PRDM4: variants seen among roughly 807,000 people sequenced by gnomAD.
PRDM4 encodes the protein PR/SET domain 4, also known as PR domain zinc finger protein 4.
Under a neutral mutation model 62.3 loss-of-function variants are expected in PRDM4, and 38 were observed. The observed-to-expected ratio is 0.61, with a 90% confidence interval of 0.47 to 0.80. The LOEUF (loss-of-function observed/expected upper bound fraction) is 0.80. Ranked by LOEUF, PRDM4 falls within the 30% of genes least tolerant of loss-of-function variation. The pLI is 0.00. For synonymous variants in PRDM4, 339 were observed against 348.2 expected, an observed-to-expected ratio of 0.97 and a Z score of 0.30; for missense variants, 858 against 997.1, an observed-to-expected ratio of 0.86 and a Z score of 1.88.
intron 10 of PRDM4, among the ~76,000 whole-genome samples, chr12:107,740,486 C>G (rs969125404): frequency 1.4e-5 from 2 of 147,700 alleles, no homozygotes; most frequent in Non-Finnish European, 3.0e-5. Context: ...GGCCCTATCT[C>G]AAAAAAAAAT....
intron 11 of PRDM4, among the ~76,000 whole-genome samples, chr12:107,736,389 A>G (rs998039234): frequency 1.3e-5 from 2 of 152,190 alleles, no homozygotes; most frequent in Non-Finnish European, 2.9e-5. Context: ...GAATGGAGGG[A>G]AGAAGACATG....
chr12:107,744,487 T>C (rs1890624348), intron 7 of PRDM4, 56 bp downstream of exon 7: 1 of 1,572,624 alleles, frequency 6.4e-7, no homozygotes, highest in Non-Finnish European at 8.7e-7. Context: ...ACTTTTTAAC[T>C]ACCTCTTACT....
chr12:107,745,794 G>GTT (rs1486620168), intron 6 of PRDM4, among the ~76,000 whole-genome samples: 2 of 152,180 alleles, frequency 1.3e-5, no homozygotes, highest in African/African-American at 4.8e-5. Context: ...AAATGTCGCA[G>GTT]TAACTCAGAA....
Position 107,733,625 on chromosome 12 carries a change from C to T in PRDM4, c.*585G>A, listed in dbSNP as rs1031664548. ...TTTTATTTGCCCTCCAGGCACCTGC[C>T]GAAACTTTGGAAAACAAGATCTACC... On this transcript the variant is annotated 3_prime_UTR_variant, in exon 12 of 12. Transcript: ENST00000228437. 5 of 152,224 alleles carry T rather than the reference C, an allele frequency of 3.3e-5. No individual in the cohort carries two copies. The highest frequency in any genetic ancestry group is 7.2e-5 in the African/African-American group (3 of 41,386). The allele number at this position is 152,224 out of a possible 1,614,324, so 9.4% of individuals were successfully genotyped here.
intron 2 of PRDM4, chr12:107,758,238 C>CTTTTTTTTTTT (rs3070881): frequency 5.5e-4 from 56 of 101,884 alleles, no homozygotes; most frequent in East Asian, 1.2e-3. Context: ...TCTTAATCTT[C>CTTTTTTTTTTT]TTTTTTTTTT....
chr12:107,747,066 G>C (rs1220969016), intron 5 of PRDM4, among the ~76,000 whole-genome samples: 1 of 152,006 alleles, frequency 6.6e-6, no homozygotes, highest in Non-Finnish European at 1.5e-5. Context: ...AGGATCACTT[G>C]AGTCCAGGAG....
intron 9 of PRDM4, 31 bp downstream of exon 9, chr12:107,742,190 C>T (rs1253161532): frequency 6.3e-7 from 1 of 1,593,898 alleles, no homozygotes; most frequent in Non-Finnish European, 8.5e-7. Flanking sequence ...TTTTACTAAG[C>T]CAGATTCATT....
chr12:107,741,341 G>T, intron 9 of PRDM4, 81 bp from the exon 10 acceptor site: 1 of 1,287,746 alleles, frequency 7.8e-7, no homozygotes, highest in South Asian at 1.5e-5. Context: ...ATTGCTTCCA[G>T]TTCTCCTTTC....
In PRDM4 at chr12:107,734,238, G is replaced by T. The variant is rs148995492; in HGVS notation, c.2378C>A (p.Ala793Glu). 1 of 1,609,652 alleles carries T rather than the reference G, an allele frequency of 6.2e-7. No individual in the cohort carries two copies. The highest frequency in any genetic ancestry group is 8.5e-7 in the Non-Finnish European group (1 of 1,178,080). ...TTTATGTGCAGAAAGAGACTCATCC[G>T]CTGAATACACAGCACTGTTAATCCT... ...DCRINSAVYS[A>E]DESLSAHK Residue 793 changes from alanine (A) to glutamate (E), a missense_variant, in exon 12 of 12, where the codon GCG (alanine) becomes GAG (glutamate). Transcript: ENST00000228437.
intron 7 of PRDM4, 94 bp from the exon 8 acceptor site, chr12:107,743,376 T>C (rs1890582372): frequency 1.2e-6 from 1 of 837,386 alleles, no homozygotes; most frequent in Non-Finnish European, 2.0e-6. Flanking sequence ...ATTTACTCAT[T>C]TGCAGTAGGT....
intron 2 of PRDM4, among the ~76,000 whole-genome samples, chr12:107,759,374 A>G (rs545169016): frequency 1.2e-3 from 189 of 152,360 alleles, no homozygotes; most frequent in Middle Eastern, 0.01. Flanking sequence ...TATAGCTACA[A>G]CCATAATTAA....
rs371802652 is a variant in PRDM4 at position 107,760,498 on chromosome 12, T to C, written c.11+7A>G. On this transcript the variant is annotated splice_region_variant and intron_variant, in intron 2 of 11. Coordinates refer to ENST00000228437, the MANE Select transcript of PRDM4 (RefSeq NM_012406.4). ...TCACCAGTGCTGAAGCCCACCTCCC[T>C]ACTCACCTGTGATGCATCGGCTTGG... The C allele has an allele frequency of 3.1e-6, 5 of 1,613,390 alleles. No individual in the cohort carries two copies. Among genetic ancestry groups the C allele is most frequent in the Non-Finnish European group, 4.2e-6 (5 of 1,179,738 alleles).
intron 3 of PRDM4, 40 bp from the exon 4 acceptor site, chr12:107,754,149 G>A (rs1890990019): frequency 1.4e-6 from 2 of 1,465,052 alleles, no homozygotes; most frequent in African/African-American, 1.4e-5. Context: ...AAAGAAAATA[G>A]GTAATTAAAA....
intron 2 of PRDM4, 117 bp downstream of exon 2, chr12:107,760,388 G>T: frequency 7.5e-7 from 1 of 1,326,538 alleles, no homozygotes; most frequent in Non-Finnish European, 1.0e-6. Context: ...TGTTTCCTTT[G>T]CAAATCACAC....
At position 107,743,206 on chromosome 12, in the gene PRDM4, C is replaced by A; in HGVS notation, c.1472G>T (p.Arg491Leu). ...ENECNWMMFVRKARNREEQNL... is the reference protein window; with the variant it reads ...ENECNWMMFVLKARNREEQNL... ...CCAAGACTACTCATACCTGGCTTTG[C>A]GCACAAACATCATCCAATTACATTC... The change falls in exon 8 of 12, where the codon CGC becomes CTC. Residue 491 changes from arginine to leucine, a missense_variant. Arg to Leu is a moderately radical substitution (Grantham distance 102). Coordinates refer to ENST00000228437, the MANE Select transcript of PRDM4 (RefSeq NM_012406.4). The A allele has an allele frequency of 6.2e-7, 1 of 1,609,854 alleles. No homozygotes were observed. Among genetic ancestry groups the A allele is most frequent in the Non-Finnish European group, 8.5e-7 (1 of 1,176,192 alleles).
intron 2 of PRDM4, among the ~76,000 whole-genome samples, chr12:107,757,262 A>C (rs1460665670): frequency 6.6e-6 from 1 of 152,226 alleles, no homozygotes; most frequent in Non-Finnish European, 1.5e-5. Flanking sequence ...CAATTCTTAG[A>C]GCACAATGGC....
At chr12:107,758,123 G>C (rs993058045) in intron 2 of PRDM4, among the ~76,000 whole-genome samples, 6 of 151,774 alleles carry the variant, frequency 4.0e-5, no homozygotes, top group Non-Finnish European at 5.9e-5. Flanking sequence ...CTGAAAAATG[G>C]CAATGCCATT....
chr12:107,757,298 C>T (rs1593178028), intron 2 of PRDM4, among the ~76,000 whole-genome samples: 2 of 152,250 alleles, frequency 1.3e-5, no homozygotes, highest in East Asian at 3.9e-4. Flanking sequence ...TTAAATCACT[C>T]AAGCTTCATC....
At chr12:107,738,175 T>G (rs1890396167) in intron 11 of PRDM4, 1 of 152,172 alleles carries the variant, frequency 6.6e-6, no homozygotes, top group Non-Finnish European at 1.5e-5. Flanking sequence ...TGTGGTATTT[T>G]ATTATCACAA....
Sources: gnomAD v4.1 joint callset for allele counts (sites outside exome capture counted in the v4.1 genomes callset) on GRCh38, gnomAD v4.1.1 for gene constraint, MANE v1.5 for transcripts, NCBI Gene and HGNC (gene_info 2026-07-23, HGNC 2026-07-21) for gene names.